ZNF800: variants seen among roughly 807,000 people sequenced by gnomAD.
The protein encoded by ZNF800 is zinc finger protein 800.
ZNF800 carries 13 observed loss-of-function variants against 59.5 expected under a neutral mutation model. The observed-to-expected ratio is 0.22, with a 90% CI of 0.14 to 0.35. ZNF800 has a LOEUF of 0.35. Among genes scored for constraint, ZNF800 ranks in the 10% least tolerant of loss-of-function variants. The pLI, the probability that ZNF800 is intolerant of heterozygous loss-of-function variation, is 1.00. For synonymous variants in ZNF800, 266 were observed against 265.7 expected, an observed-to-expected ratio of 1.00 and a Z score of -0.01; for missense variants, 621 against 783.7, an observed-to-expected ratio of 0.79 and a Z score of 2.48.
At chr7:127,391,751 A>G (rs1308706688) in intron 1 of ZNF800, 136 bp from the exon 2 acceptor site, 1 of 626,212 alleles carries the variant, frequency 1.6e-6, no homozygotes, top group Non-Finnish European at 2.9e-6. Context: ...AAAAGAAAAC[A>G]GAAAGACGCA....
downstream of ZNF800, chr7:127,346,674 A>G (rs930981707): frequency 1.3e-5 from 2 of 152,292 alleles, no homozygotes; most frequent in African/African-American, 4.8e-5. Context: ...GGAATGTCTG[A>G]TGATGTGCTA....
At chr7:127,385,551 G>A (rs572474585) in intron 3 of ZNF800, among the ~76,000 whole-genome samples, 5 of 152,226 alleles carry the variant, frequency 3.3e-5, no homozygotes, top group African/African-American at 1.2e-4. Context: ...CTGGAATATT[G>A]TCTTTCTTCT....
In ZNF800 at chr7:127,370,597, G is replaced by C. The variant is rs1268339908; in HGVS notation, c.*1217C>G. On this transcript the variant is annotated 3_prime_UTR_variant, in exon 6 of 6. Transcript: ENST00000265827. The stretch of plus-strand genomic sequence containing the variant: ...TATACAAAAAGTATATAGATGGACA[G>C]GGTCCCTCCTAAGTACAGGTGTGAA... The C allele has an allele frequency of 1.3e-5, 2 of 152,472 alleles. No homozygotes were observed. Among genetic ancestry groups the C allele is most frequent in the Non-Finnish European group, 2.9e-5 (2 of 67,966 alleles). 9.4% of individuals were successfully genotyped at this position (152,472 alleles called of 1,614,324 possible).
Position 127,391,540 on chromosome 7 carries a change from T to C in ZNF800, c.18A>G (p.Lys6=), listed in dbSNP as rs1380721835. Residue 6 remains lysine (K), a synonymous_variant, in exon 2 of 6, where the codon AAA becomes AAG. Transcript: ENST00000265827. ...GATGATGGTGGTCAGTCTGACAGTATTTGTCCCTTAAAGGCATTTTCAGTG... is the reference window on the plus strand; with the variant it reads ...GATGATGGTGGTCAGTCTGACAGTACTTGTCCCTTAAAGGCATTTTCAGTG... MPLRD[K]YCQTDHHHHG... is the part of the protein sequence containing the mutation. 3.1e-6 allele frequency: 5 copies of C among 1,614,028 alleles called. No individual in the cohort carries two copies. In the African/African-American group the frequency reaches 5.3e-5, roughly 17 times the overall value.
intron 1 of ZNF800, chr7:127,363,166 T>C (rs1800430247): frequency 6.6e-6 from 1 of 152,050 alleles, no homozygotes; most frequent in African/African-American, 2.4e-5. Flanking sequence ...TACTGAGTTT[T>C]TTGTTGCATT....
chr7:127,390,805 CAA>C (rs763276186), intron 2 of ZNF800, among the ~76,000 whole-genome samples: 1 of 152,092 alleles, frequency 6.6e-6, no homozygotes, highest in Non-Finnish European at 1.5e-5. Flanking sequence ...AACAGTATAT[CAA>C]GTTTATCAAA....
chr7:127,365,044 G>C (rs1052077891), downstream of ZNF800, among the ~76,000 whole-genome samples: 4 of 152,058 alleles, frequency 2.6e-5, no homozygotes, highest in African/African-American at 9.7e-5. Context: ...GAAGTGGAAG[G>C]CAAGCTGCAT....
chr7:127,351,981 G>A (rs146248319), intron 1 of ZNF800, among the ~76,000 whole-genome samples: 48 of 152,298 alleles, frequency 3.2e-4, no homozygotes, highest in African/African-American at 1.2e-3. Context: ...GGAGAATGGG[G>A]TATTTCAGAG....
intron 2 of ZNF800, among the ~76,000 whole-genome samples, chr7:127,388,665 C>T (rs897153225): frequency 7.2e-5 from 11 of 152,124 alleles, no homozygotes; most frequent in Non-Finnish European, 1.2e-4. Flanking sequence ...CATGACAGCA[C>T]CTCATTTTAA....
At position 127,391,597 on chromosome 7, in the gene ZNF800, G is replaced by A; in HGVS notation, c.-40C>T. The stretch of plus-strand genomic sequence containing the variant: ...ACCTACTTTGCTTTCACTGTAAGAA[G>A]CTCTTCATTGCGGCGTGGCTGTTGA... On this transcript the variant is annotated 5_prime_UTR_variant, in exon 2 of 6. Transcript: ENST00000265827. The A allele has an allele frequency of 6.3e-7, 1 of 1,583,616 alleles. No individual in the cohort carries two copies. Among genetic ancestry groups the A allele is most frequent in the Non-Finnish European group, 8.7e-7 (1 of 1,152,350 alleles).
Position 127,392,626 on chromosome 7 carries a change from T to G in ZNF800, c.-625A>C, listed in dbSNP as rs970618216. On this transcript the variant is annotated 5_prime_UTR_variant, in exon 1 of 6. Transcript: ENST00000265827. ...TCTCTTTTACTCTGTCGCCCCCTCC[T>G]CCGGAGAGCCCGAGCTACCGCCGCG... 4 of 161,766 alleles carry G rather than the reference T, an allele frequency of 2.5e-5. No homozygotes were observed. The highest frequency in any genetic ancestry group is 1.7e-4 in the East Asian group (1 of 5,768). The allele number at this position is 161,766 out of a possible 1,614,324, so 10.0% of individuals were successfully genotyped here. A position where few individuals can be genotyped will look rare whatever the true frequency, so the allele number is the denominator to read the frequency against.
At chr7:127,356,283 G>C (rs1041075887) in intron 1 of ZNF800, among the ~76,000 whole-genome samples, 9 of 151,670 alleles carry the variant, frequency 5.9e-5, no homozygotes, top group African/African-American at 2.2e-4. Flanking sequence ...GTGTGTGTGA[G>C]AGAGAGAGAG....
Position 127,374,993 on chromosome 7 carries a change from C to T in ZNF800, c.343G>A (p.Asp115Asn), listed in dbSNP as rs565893361. The change falls in exon 5 of 6, where the codon GAT (aspartate) becomes AAT (asparagine). Residue 115 changes from aspartate to asparagine, a missense_variant. Asp to Asn is a conservative substitution (Grantham distance 23). Around this residue, in one of 7 missense-constraint regions of ZNF800, gnomAD observed 218 missense variants for 230.8 expected, o/e 0.94. Transcript: ENST00000265827. Reference protein sequence around the residue: ...VNDKQSQAINDLLEAIYPSVD... With the variant: ...VNDKQSQAINNLLEAIYPSVD... ...CTTGGATATATGGCTTCTAGGAGATCATTTATGGCTTGGCTTTGTTTATCA... is the reference window on the plus strand; with the variant it reads ...CTTGGATATATGGCTTCTAGGAGATTATTTATGGCTTGGCTTTGTTTATCA... 6.3e-7 allele frequency: 1 copy of T among 1,599,696 alleles called. No individual in the cohort carries two copies. Among genetic ancestry groups the T allele is most frequent in the South Asian group, 1.1e-5 (1 of 89,458 alleles).
chr7:127,387,815 C>T (rs1340176249), intron 2 of ZNF800, among the ~76,000 whole-genome samples: 1 of 151,950 alleles, frequency 6.6e-6, no homozygotes, highest in Non-Finnish European at 1.5e-5. Context: ...GAGCTGTGAT[C>T]ACGCCACTGC....
chr7:127,363,135 A>T (rs922709415), intron 1 of ZNF800: 2 of 152,116 alleles, frequency 1.3e-5, no homozygotes, highest in Non-Finnish European at 2.9e-5. Flanking sequence ...AAGAAATTTT[A>T]AAAGGAAGAT....
At chr7:127,388,057 T>C (rs909678527) in intron 2 of ZNF800, among the ~76,000 whole-genome samples, 7 of 152,070 alleles carry the variant, frequency 4.6e-5, no homozygotes, top group African/African-American at 1.2e-4. Context: ...ATTTACTAGA[T>C]ACAATTAGGG....
At chr7:127,363,909 G>A (rs1358185300) in intron 1 of ZNF800, 2 of 152,040 alleles carry the variant, frequency 1.3e-5, no homozygotes, top group East Asian at 3.9e-4. Flanking sequence ...ACAAGTTTTG[G>A]GTGAACTGTT....
intron 3 of ZNF800, among the ~76,000 whole-genome samples, chr7:127,378,953 A>G (rs1800871711): frequency 6.6e-6 from 1 of 152,164 alleles, no homozygotes; most frequent in South Asian, 2.1e-4. Context: ...GAATTATTAA[A>G]GAAAATATGA....
At chr7:127,353,595 T>TAA (rs1387164640) in intron 1 of ZNF800, among the ~76,000 whole-genome samples, 3 of 152,178 alleles carry the variant, frequency 2.0e-5, no homozygotes, top group Admixed American at 2.0e-4. Context: ...ACCAAGTAAA[T>TAA]AATACATTGA....
Sources: allele counts gnomAD v4.1 joint callset (sites outside exome capture counted in the v4.1 genomes callset), GRCh38; gene constraint gnomAD v4.1.1; regional missense constraint gnomAD v4.1.1; transcripts MANE v1.5; gene names NCBI Gene and HGNC (gene_info 2026-07-23, HGNC 2026-07-21).